The following RGS22 variants were observed in gnomAD, a reference collection of about 807,000 sequenced individuals.
The protein encoded by RGS22 is regulator of G-protein signaling 22.
A neutral mutation model predicts 172.9 loss-of-function variants in RGS22; 148 were observed. The ratio of observed to expected loss-of-function variants is 0.86; its 90% CI spans 0.75 to 0.98. The LOEUF (loss-of-function observed/expected upper bound fraction) is 0.98. RGS22 is among the 50% of genes least tolerant of loss of function. The pLI, the probability that RGS22 is intolerant of heterozygous loss-of-function variation, is 0.00. For synonymous variants in RGS22, 458 were observed against 480.2 expected, an observed-to-expected ratio of 0.95 and a Z score of 0.60; for missense variants, 1,347 against 1,440.8, an observed-to-expected ratio of 0.93 and a Z score of 1.05.
At position 100,040,092 on chromosome 8, in the gene RGS22, A is replaced by G. The variant is rs545255358; in HGVS notation, c.1939-5T>C. On this transcript the variant is annotated splice_region_variant and splice_polypyrimidine_tract_variant and intron_variant, in intron 12 of 27. Transcript: ENST00000360863. Reference sequence around the variant, plus strand: ...AACATCTGACACGGTTTTAACCTAGATAACAAAACAGAAGTCTATTATCCA... The same window carrying G: ...AACATCTGACACGGTTTTAACCTAGGTAACAAAACAGAAGTCTATTATCCA... 90 of 1,606,020 alleles carry G rather than the reference A, an allele frequency of 5.6e-5. No individual in the cohort carries two copies. The East Asian group carries it at 1.9e-3, about 34-fold the overall frequency.
chr8:100,093,519 A>C lies in RGS22; in HGVS notation c.55-10T>G, dbSNP rs979275934. On this transcript the variant is annotated splice_polypyrimidine_tract_variant and intron_variant, in intron 2 of 27. Coordinates refer to ENST00000360863, the MANE Select transcript of RGS22 (RefSeq NM_015668.5). ...TTGCCAGAGAATCTTCCTGCAAAAA[A>C]AAAACATAAAAACACAGTATTATAA... 1 of 1,537,288 alleles carries C rather than the reference A, an allele frequency of 6.5e-7. No individual in the cohort carries two copies. Among genetic ancestry groups the C allele is most frequent in the African/African-American group, 1.4e-5 (1 of 72,454 alleles).
rs1228074937 is a variant in RGS22 at position 100,003,916 on chromosome 8, T to C, written c.2627+10A>G. On this transcript the variant is annotated intron_variant, in intron 17 of 27. Coordinates refer to ENST00000360863, the MANE Select transcript of RGS22 (RefSeq NM_015668.5). ...GTTTTCAGTGAGAAATATATGGTTATGTCCCTCACCTTGAAGAATGAGTCT... is the reference window on the plus strand; with the variant it reads ...GTTTTCAGTGAGAAATATATGGTTACGTCCCTCACCTTGAAGAATGAGTCT... The C allele has an allele frequency of 6.3e-7, 1 of 1,594,922 alleles. No individual in the cohort carries two copies. Among genetic ancestry groups the C allele is most frequent in the Non-Finnish European group, 8.5e-7 (1 of 1,169,942 alleles).
At chr8:100,100,335 G>C (rs1296874915) in intron 2 of RGS22, among the ~76,000 whole-genome samples, 1 of 149,960 alleles carries the variant, frequency 6.7e-6, no homozygotes, top group Non-Finnish European at 1.5e-5. Context: ...TGTCACCGAG[G>C]CTGGAGTGCA....
At chr8:99,988,093 C>T (rs1048604833) in intron 20 of RGS22, among the ~76,000 whole-genome samples, 32 of 150,928 alleles carry the variant, frequency 2.1e-4, no homozygotes, top group Non-Finnish European at 3.5e-4. Flanking sequence ...TCAATTGATT[C>T]TATAAGTTAA....
chr8:100,091,935 A>G (rs1812613117), intron 3 of RGS22: 1 of 152,174 alleles, frequency 6.6e-6, no homozygotes, highest in Admixed American at 6.5e-5. Context: ...TTGGAAAGGG[A>G]GCAGGAGCTT....
intron 6 of RGS22, among the ~76,000 whole-genome samples, chr8:100,067,179 T>A (rs1382512078): frequency 6.6e-6 from 1 of 152,116 alleles, no homozygotes; most frequent in East Asian, 1.9e-4. Context: ...AATAGGTACC[T>A]CAAATGGAAG....
Position 99,984,345 on chromosome 8 carries a change from T to C in RGS22, c.3181-2229A>G, listed in dbSNP as rs530283135. Among the ~76,000 whole-genome samples the C allele has an allele frequency of 7.2e-5, 11 of 152,302 alleles. No homozygotes were observed. The South Asian group carries it at 1.2e-3, about 17-fold the overall frequency. On this transcript the variant is annotated intron_variant, in intron 21 of 27. Coordinates refer to ENST00000360863, the MANE Select transcript of RGS22 (RefSeq NM_015668.5). ...TATTATTCAATTAGCCTCCTAACTATGGAATATAAGGCTTGTGAAATAAAA... is the reference window on the plus strand; with the variant it reads ...TATTATTCAATTAGCCTCCTAACTACGGAATATAAGGCTTGTGAAATAAAA...
intron 20 of RGS22, among the ~76,000 whole-genome samples, chr8:99,991,492 C>A (rs987581687): frequency 1.3e-5 from 2 of 151,924 alleles, no homozygotes; most frequent in Admixed American, 1.3e-4. Context: ...ATAGCCAATT[C>A]GATCAAATGG....
chr8:100,102,362 A>G (rs1243776497), intron 2 of RGS22, among the ~76,000 whole-genome samples: 1 of 152,236 alleles, frequency 6.6e-6, no homozygotes, highest in African/African-American at 2.4e-5. Flanking sequence ...AATGGGTCTG[A>G]TATCTACCAT....
At chr8:100,073,441 A>C (rs1000355477) in intron 4 of RGS22, among the ~76,000 whole-genome samples, 41 of 144,650 alleles carry the variant, frequency 2.8e-4, no homozygotes, top group African/African-American at 8.5e-4. Context: ...AAAAAAAAAA[A>C]CAAAAAAAAC....
intron 14 of RGS22, among the ~76,000 whole-genome samples, chr8:100,032,716 T>C (rs1818967415): frequency 1.3e-5 from 2 of 152,168 alleles, no homozygotes; most frequent in Admixed American, 1.3e-4. Flanking sequence ...GAATATACAT[T>C]CTTCTCAGCA....
intron 14 of RGS22, among the ~76,000 whole-genome samples, chr8:100,022,746 A>T (rs140017200): frequency 0.01 from 1,578 of 151,964 alleles, 15 homozygotes; most frequent in African/African-American, 0.026. Context: ...TTAATTAATT[A>T]ATTTATTTAT....
At chr8:100,027,386 G>A (rs556193464) in intron 14 of RGS22, among the ~76,000 whole-genome samples, 35 of 152,268 alleles carry the variant, frequency 2.3e-4, no homozygotes, top group Non-Finnish European at 1.8e-4. Context: ...TTGGCACATA[G>A]CAGGCTTCTC....
At chr8:100,082,385 T>A (rs1189160181) in intron 3 of RGS22, among the ~76,000 whole-genome samples, 1 of 152,170 alleles carries the variant, frequency 6.6e-6, no homozygotes, top group Non-Finnish European at 1.5e-5. Flanking sequence ...CCACTCTCCA[T>A]CCTCAAGTAG....
intron 20 of RGS22, 64 bp downstream of exon 20, chr8:99,996,398 A>G (rs1273663653): frequency 7.2e-7 from 1 of 1,385,900 alleles, no homozygotes; most frequent in Non-Finnish European, 1.0e-6. Flanking sequence ...AAGAAAGGGA[A>G]AGAAAAACAA....
At chr8:100,087,896 A>T (rs1017071049) in intron 3 of RGS22, among the ~76,000 whole-genome samples, 2 of 152,214 alleles carry the variant, frequency 1.3e-5, no homozygotes, top group African/African-American at 4.8e-5. Flanking sequence ...ATCCTTAGTT[A>T]ATAAATGAGT....
At position 100,063,516 on chromosome 8, in the gene RGS22, A is replaced by T. The variant is rs201859997; in HGVS notation, c.1252T>A (p.Phe418Ile). ...AATGTACCTTTTATAAATTTCTTAA[A>T]TCTTTCAAACTCCTTTCTATTGCCA... Reference protein sequence around the residue: ...DIGNRKEFERFKKFIKGTLGE... With the variant: ...DIGNRKEFERIKKFIKGTLGE... The change falls in exon 8 of 28, where the codon TTT becomes ATT. Residue 418 changes from phenylalanine (F) to isoleucine (I), a missense_variant. Coordinates refer to ENST00000360863, the MANE Select transcript of RGS22 (RefSeq NM_015668.5). 313 of 1,613,974 alleles carry T rather than the reference A, an allele frequency of 1.9e-4. 1 individual carries two copies. Among genetic ancestry groups the T allele is most frequent in the Admixed American group, 1.5e-3 (90 of 60,000 alleles).
chr8:100,052,829 A>C lies in RGS22; in HGVS notation c.1662T>G (p.Ser554=). Reference sequence around the variant, plus strand: ...GGATCTCAGGTATCTGTGGAATGCAAGATTTGGGTCTTAATGGCAAGAGGG... The same window carrying C: ...GGATCTCAGGTATCTGTGGAATGCACGATTTGGGTCTTAATGGCAAGAGGG... ...MATLLPLRPK[S]CIPQIPEIQK... The change falls in exon 10 of 28, where the codon TCT becomes TCG. Residue 554 remains serine (S), a synonymous_variant. Coordinates refer to ENST00000360863, the MANE Select transcript of RGS22 (RefSeq NM_015668.5). 1.2e-6 allele frequency: 2 copies of C among 1,614,070 alleles called. No homozygotes were observed. Among genetic ancestry groups the C allele is most frequent in the Non-Finnish European group, 1.7e-6 (2 of 1,179,970 alleles).
At position 99,962,444 on chromosome 8, in the gene RGS22, C is replaced by CTGGAAAAGACA; in HGVS notation, c.3791-12_3791-2dup. On this transcript the variant is annotated splice_acceptor_variant, in intron 26 of 27. Transcript: ENST00000360863. LOFTEE classifies it high-confidence loss of function. ...AAACATTCACAAGAATGCTGTCACT[C>CTGGAAAAGACA]TGGAAAAGACATGAAGTTTTATGTA... The CTGGAAAAGACA allele has an allele frequency of 6.2e-7, 1 of 1,613,502 alleles. No homozygotes were observed. Among genetic ancestry groups the CTGGAAAAGACA allele is most frequent in the Non-Finnish European group, 8.5e-7 (1 of 1,179,466 alleles).
Sources: gnomAD v4.1 joint callset for allele counts (sites outside exome capture counted in the v4.1 genomes callset) on GRCh38, gnomAD v4.1.1 for gene constraint, MANE v1.5 for transcripts, NCBI Gene and HGNC (gene_info 2026-07-23, HGNC 2026-07-21) for gene names.